The following SLCO6A1 variants were observed in gnomAD, a reference collection of about 807,000 sequenced individuals.
The protein encoded by SLCO6A1 is solute carrier organic anion transporter family member 6A1.
In SLCO6A1, 65 loss-of-function variants were observed where a neutral mutation model predicts 72.7. The ratio of observed to expected loss-of-function variants is 0.89; its 90% confidence interval spans 0.73 to 1.10. SLCO6A1 has a LOEUF of 1.10. Ranked by LOEUF, SLCO6A1 falls within the 50% of genes least tolerant of loss-of-function variation. SLCO6A1 has a pLI of 0.00. For synonymous variants in SLCO6A1, 314 were observed against 298.2 expected, an observed-to-expected ratio of 1.05 and a Z score of -0.55; for missense variants, 874 against 872.6, an observed-to-expected ratio of 1.00 and a Z score of -0.02.
At chr5:102,429,695 T>C (rs1749109851) in intron 7 of SLCO6A1, among the ~76,000 whole-genome samples, 1 of 152,220 alleles carries the variant, frequency 6.6e-6, no homozygotes, top group Non-Finnish European at 1.5e-5. Flanking sequence ...GATGCTGTTT[T>C]GGTTACTGTA....
intron 4 of SLCO6A1, among the ~76,000 whole-genome samples, chr5:102,461,043 T>A (rs1403787927): frequency 6.6e-6 from 1 of 151,116 alleles, no homozygotes; most frequent in Non-Finnish European, 1.5e-5. Context: ...CAGGAGTTTT[T>A]TTCACTTTTG....
intron 10 of SLCO6A1, among the ~76,000 whole-genome samples, chr5:102,394,104 T>C (rs1417563892): frequency 1.3e-5 from 2 of 152,170 alleles, no homozygotes; most frequent in Admixed American, 1.3e-4. Flanking sequence ...CCAGTTCACC[T>C]CTGAAAGCTT....
At chr5:102,484,400 A>G (rs760665541) in intron 1 of SLCO6A1, among the ~76,000 whole-genome samples, 15 of 152,188 alleles carry the variant, frequency 9.9e-5, no homozygotes, top group Non-Finnish European at 1.5e-4. Context: ...CTGTAATCCC[A>G]GCAGTTTGGG....
chr5:102,447,117 G>A (rs1220314190), intron 6 of SLCO6A1, among the ~76,000 whole-genome samples: 1 of 152,192 alleles, frequency 6.6e-6, no homozygotes, highest in Non-Finnish European at 1.5e-5. Context: ...CATCTATCGA[G>A]ATGATCATGT....
intron 7 of SLCO6A1, among the ~76,000 whole-genome samples, chr5:102,434,230 C>T (rs1048468033): frequency 1.2e-4 from 19 of 152,014 alleles, no homozygotes; most frequent in African/African-American, 3.6e-4. Context: ...AGTATTTCCA[C>T]GTAGAGCACA....
In SLCO6A1 at chr5:102,478,916, A is replaced by G. The variant is rs550630105; in HGVS notation, c.617-1055T>C. Reference sequence around the variant, plus strand: ...TCTCTACAACTGTCATTCAAATGCCAAAGGTTCAATTTTATACAGACATAT... The same window carrying G: ...TCTCTACAACTGTCATTCAAATGCCGAAGGTTCAATTTTATACAGACATAT... On this transcript the variant is annotated intron_variant, in intron 2 of 13. Coordinates refer to ENST00000506729, the MANE Select transcript of SLCO6A1 (RefSeq NM_173488.5). Among the ~76,000 whole-genome samples, 26 of 152,352 alleles carry G rather than the reference A, an allele frequency of 1.7e-4. No homozygotes were observed. In the South Asian group the frequency reaches 5.2e-3, roughly 30 times the overall value.
At chr5:102,417,396 C>G (rs10041969) in intron 8 of SLCO6A1, among the ~76,000 whole-genome samples, 10,865 of 151,528 alleles carry the variant, frequency 0.072, 450 homozygotes, top group African/African-American at 0.1. Context: ...CCCATTTGTC[C>G]TATCTCTTTT....
chr5:102,498,392 C>T (rs1385501127), intron 1 of SLCO6A1, 95 bp downstream of exon 1: 2 of 1,239,950 alleles, frequency 1.6e-6, no homozygotes, highest in Non-Finnish European at 2.2e-6. Flanking sequence ...CATGCTGGGC[C>T]ACCCCAGGGC....
chr5:102,461,771 A>T (rs1305503596), intron 4 of SLCO6A1, among the ~76,000 whole-genome samples: 1 of 152,174 alleles, frequency 6.6e-6, no homozygotes, highest in Non-Finnish European at 1.5e-5. Flanking sequence ...ACTGAAATTG[A>T]ATGTTAAATA....
At chr5:102,435,875 CAAA>C (rs1201565012) in intron 7 of SLCO6A1, among the ~76,000 whole-genome samples, 1 of 106,560 alleles carries the variant, frequency 9.4e-6, no homozygotes. Context: ...AACTCCATCT[CAAA>C]AAAAAAAAAA....
intron 9 of SLCO6A1, among the ~76,000 whole-genome samples, chr5:102,407,160 C>G (rs770446196): frequency 1.3e-5 from 2 of 152,148 alleles, no homozygotes; most frequent in Non-Finnish European, 2.9e-5. Context: ...GACATGTCCA[C>G]CAGTGTGCCA....
At chr5:102,449,465 C>T (rs974415710) in intron 6 of SLCO6A1, among the ~76,000 whole-genome samples, 2 of 151,868 alleles carry the variant, frequency 1.3e-5, no homozygotes, top group African/African-American at 4.8e-5. Context: ...CGGCTCACTG[C>T]AAGCTCTGCC....
Position 102,372,533 on chromosome 5 carries a change from TATAA to T in SLCO6A1, c.*16-414_*16-411del, listed in dbSNP as rs369033010. ...CAAATGCATTTTAGCTTAAAAAATC[TATAA>T]ATAGTTGACACATTTTCTACATTTA... On this transcript the variant is annotated intron_variant, in intron 13 of 13. Coordinates refer to ENST00000506729, the MANE Select transcript of SLCO6A1 (RefSeq NM_173488.5). Among the ~76,000 whole-genome samples, 1,486 of 152,094 alleles carry T rather than the reference TATAA, an allele frequency of 9.8e-3. 11 individuals are homozygous for T. The highest frequency in any genetic ancestry group is 0.017 in the Middle Eastern group (5 of 294).
intron 7 of SLCO6A1, among the ~76,000 whole-genome samples, chr5:102,421,943 T>A (rs1049619509): frequency 4.6e-5 from 7 of 152,216 alleles, no homozygotes; most frequent in Non-Finnish European, 8.8e-5. Flanking sequence ...CAATCTCTGC[T>A]GCTCTGCAGT....
chr5:102,471,130 T>A (rs1204573906), intron 4 of SLCO6A1, among the ~76,000 whole-genome samples: 1 of 151,880 alleles, frequency 6.6e-6, no homozygotes, highest in African/African-American at 2.4e-5. Flanking sequence ...GGTTGGTTTT[T>A]AAAAAAAGAG....
At chr5:102,489,794 C>T (rs1016786827) in intron 1 of SLCO6A1, among the ~76,000 whole-genome samples, 1 of 151,998 alleles carries the variant, frequency 6.6e-6, no homozygotes, top group Non-Finnish European at 1.5e-5. Flanking sequence ...TATTTGCATC[C>T]CCATGTTTAT....
chr5:102,487,038 TG>T (rs1346829929), intron 1 of SLCO6A1, among the ~76,000 whole-genome samples: 1 of 152,164 alleles, frequency 6.6e-6, no homozygotes, highest in East Asian at 1.9e-4. Context: ...GCTAATGGGG[TG>T]AATTCATTTA....
At chr5:102,383,096 A>ATGTG (rs1561414929) in intron 12 of SLCO6A1, among the ~76,000 whole-genome samples, 1,255 of 35,912 alleles carry the variant, frequency 0.035, 54 homozygotes, top group Non-Finnish European at 0.07. Context: ...ATGTGTGTGA[A>ATGTG]TATATATATA....
chr5:102,496,021 T>C (rs1752894910), intron 1 of SLCO6A1, among the ~76,000 whole-genome samples: 1 of 152,234 alleles, frequency 6.6e-6, no homozygotes, highest in African/African-American at 2.4e-5. Flanking sequence ...GGAGACAATA[T>C]TGAGACAGCT....
Sources: allele counts gnomAD v4.1 joint callset (sites outside exome capture counted in the v4.1 genomes callset), GRCh38; gene constraint gnomAD v4.1.1; transcripts MANE v1.5; gene names NCBI Gene and HGNC (gene_info 2026-07-23, HGNC 2026-07-21).